ADAMTSL1: variants seen among roughly 807,000 people sequenced by gnomAD.
ADAMTSL1 encodes the protein ADAMTS-like protein 1.
Under a neutral mutation model 201.8 loss-of-function variants are expected in ADAMTSL1, and 126 were observed. The ratio of observed to expected loss-of-function variants is 0.62; its 90% CI spans 0.54 to 0.72. The LOEUF is 0.72. Ranked by LOEUF, ADAMTSL1 falls within the 30% of genes least tolerant of loss-of-function variation. The pLI, the probability that ADAMTSL1 is intolerant of heterozygous loss-of-function variation, is 0.00. For synonymous variants in ADAMTSL1, 1,121 were observed against 903.4 expected (o/e 1.24, Z -4.32); for missense variants, 2,679 against 2,277.8 (o/e 1.18, Z -3.59).
At chr9:18,146,639 A>G (rs771285275) in intron 1 of ADAMTSL1, among the ~76,000 whole-genome samples, 50 of 152,140 alleles carry the variant, frequency 3.3e-4, no homozygotes, top group Non-Finnish European at 4.4e-4. Flanking sequence ...TGGCAGATAC[A>G]TTACACTAAG....
Position 17,918,061 on chromosome 9 carries a change from A to G in ADAMTSL1, c.87+11139A>G, listed in dbSNP as rs1035758871. ...GTTATTCTTTCTTTTTCCCTGATCA[A>G]TCTGCTTCATAGCTTATCAATTTTA... On this transcript the variant is annotated intron_variant, in intron 1 of 29. Coordinates refer to the ADAMTSL1 transcript ENST00000680146. 2.0e-5 allele frequency among the ~76,000 whole-genome samples: 3 copies of G among 151,990 alleles called. No homozygotes were observed. In the East Asian group the frequency reaches 5.8e-4, roughly 29 times the overall value.
chr9:18,511,473 G>A (rs1052674466), intron 2 of ADAMTSL1, among the ~76,000 whole-genome samples: 32 of 152,058 alleles, frequency 2.1e-4, no homozygotes, highest in African/African-American at 7.7e-4. Context: ...GAGGTAATAC[G>A]ATTATTAGAT....
At chr9:18,814,316 G>C (rs571852840) in intron 20 of ADAMTSL1, among the ~76,000 whole-genome samples, 5 of 152,154 alleles carry the variant, frequency 3.3e-5, no homozygotes, top group African/African-American at 9.7e-5. Context: ...TTATATACAT[G>C]TTCTTCAGGG....
chr9:18,523,641 G>A (rs1408121427), intron 2 of ADAMTSL1, among the ~76,000 whole-genome samples: 1 of 149,970 alleles, frequency 6.7e-6, no homozygotes, highest in Non-Finnish European at 1.5e-5. Context: ...AAGGGATCCA[G>A]TTTCAGCTTT....
intron 4 of ADAMTSL1, among the ~76,000 whole-genome samples, chr9:18,587,632 T>A (rs1475345219): frequency 6.6e-6 from 1 of 152,170 alleles, no homozygotes; most frequent in African/African-American, 2.4e-5. Context: ...CTCTTTATTG[T>A]TCCCCTCCTG....
chr9:18,400,902 G>C (rs1817961316), intron 2 of ADAMTSL1, among the ~76,000 whole-genome samples: 1 of 152,100 alleles, frequency 6.6e-6, no homozygotes, highest in African/African-American at 2.4e-5. Flanking sequence ...GGCAATAACT[G>C]TACGATACCC....
Position 18,098,209 on chromosome 9 carries a change from A to G in ADAMTSL1, c.88-65653A>G, listed in dbSNP as rs141003408. On this transcript the variant is annotated intron_variant, in intron 1 of 29. Coordinates refer to the ADAMTSL1 transcript ENST00000680146. ...ATTCTAATAATATATTGATTAATACAACTTTGTAATAAGTATTGAAAACCA... is the reference window on the plus strand; with the variant it reads ...ATTCTAATAATATATTGATTAATACGACTTTGTAATAAGTATTGAAAACCA... Among the ~76,000 whole-genome samples, 797 of 152,214 alleles carry G rather than the reference A, an allele frequency of 5.2e-3. 12 individuals carry two copies. Among genetic ancestry groups the G allele is most frequent in the African/African-American group, 0.018 (744 of 41,574 alleles).
chr9:18,392,680 T>G (rs1838100359), intron 2 of ADAMTSL1, among the ~76,000 whole-genome samples: 1 of 152,238 alleles, frequency 6.6e-6, no homozygotes, highest in Non-Finnish European at 1.5e-5. Context: ...GATGATGGAA[T>G]CAACCAATCC....
intron 1 of ADAMTSL1, among the ~76,000 whole-genome samples, chr9:18,065,300 A>C (rs1822646180): frequency 6.6e-6 from 1 of 152,162 alleles, no homozygotes; most frequent in South Asian, 2.1e-4. Context: ...GGCAATTTCT[A>C]GTCACAGAGT....
chr9:18,226,614 A>C (rs1197323759), intron 2 of ADAMTSL1, among the ~76,000 whole-genome samples: 1 of 152,084 alleles, frequency 6.6e-6, no homozygotes, highest in Non-Finnish European at 1.5e-5. Flanking sequence ...TTGCCTACGC[A>C]TAAGTCTTCA....
At chr9:18,211,473 A>G (rs928200185) in intron 2 of ADAMTSL1, among the ~76,000 whole-genome samples, 1 of 152,114 alleles carries the variant, frequency 6.6e-6, no homozygotes, top group Admixed American at 6.6e-5. Flanking sequence ...CTGTTATAGG[A>G]TTTCTTGTTT....
chr9:18,703,954 A>G (rs1021056554), intron 13 of ADAMTSL1, among the ~76,000 whole-genome samples: 6 of 151,920 alleles, frequency 3.9e-5, no homozygotes, highest in African/African-American at 1.5e-4. Context: ...GCTCGCTTTG[A>G]AAACACAAAT....
intron 1 of ADAMTSL1, among the ~76,000 whole-genome samples, chr9:18,079,702 T>TA (rs1823397278): frequency 6.7e-6 from 1 of 148,356 alleles, no homozygotes; most frequent in South Asian, 2.1e-4. Context: ...AATAAATAAA[T>TA]AAATAAATAA....
At chr9:17,935,301 C>G (rs576172232) in intron 1 of ADAMTSL1, among the ~76,000 whole-genome samples, 2 of 152,218 alleles carry the variant, frequency 1.3e-5, no homozygotes, top group African/African-American at 4.8e-5. Flanking sequence ...CTCCCATGTT[C>G]CCCCGGCACC....
At chr9:18,462,689 A>G (rs1332564012) in intron 2 of ADAMTSL1, among the ~76,000 whole-genome samples, 1 of 152,170 alleles carries the variant, frequency 6.6e-6, no homozygotes, top group Admixed American at 6.5e-5. Context: ...CTAGAATCCT[A>G]GCACTTTGAG....
intron 4 of ADAMTSL1, among the ~76,000 whole-genome samples, chr9:18,599,432 A>G (rs1167427946): frequency 2.6e-5 from 4 of 152,162 alleles, no homozygotes; most frequent in Non-Finnish European, 4.4e-5. Flanking sequence ...TCATCTTGTC[A>G]GTTTAGAGGA....
intron 2 of ADAMTSL1, among the ~76,000 whole-genome samples, chr9:18,373,423 C>G (rs997709134): frequency 3.9e-5 from 6 of 152,148 alleles, no homozygotes; most frequent in Non-Finnish European, 7.4e-5. Flanking sequence ...TTCCAGTCAT[C>G]TTTTGGTTTA....
At chr9:18,496,360 C>T (rs1822535200) in intron 1 of ADAMTSL1, among the ~76,000 whole-genome samples, 1 of 152,182 alleles carries the variant, frequency 6.6e-6, no homozygotes, top group Non-Finnish European at 1.5e-5. Context: ...TTTTAAATTT[C>T]AATCCCACAC....
intron 4 of ADAMTSL1, 114 bp downstream of exon 4, chr9:18,574,380 G>A (rs1367717904): frequency 1.0e-6 from 1 of 970,768 alleles, no homozygotes; most frequent in Non-Finnish European, 1.6e-6. Flanking sequence ...TTTAGAGTTT[G>A]TAAATGGTGA....
Sources: allele counts gnomAD v4.1 joint callset (sites outside exome capture counted in the v4.1 genomes callset), GRCh38; gene constraint gnomAD v4.1.1; transcripts MANE v1.5; gene names NCBI Gene and HGNC (gene_info 2026-07-23, HGNC 2026-07-21).